MUC20: variants seen among roughly 807,000 people sequenced by gnomAD.
The protein encoded by MUC20 is mucin-20.
A neutral mutation model predicts 23.8 loss-of-function variants in MUC20; 14 were observed. The observed-to-expected ratio is 0.59, with a 90% CI of 0.39 to 0.92. The LOEUF (loss-of-function observed/expected upper bound fraction) is 0.92. MUC20 is among the 40% of genes least tolerant of loss of function. MUC20 has a pLI of 0.00. For missense variants in MUC20, 375 were observed against 668.8 expected, an observed-to-expected ratio of 0.56 and a Z score of 4.85; for synonymous variants, 166 against 279.3, an observed-to-expected ratio of 0.59 and a Z score of 4.04.
intron 2 of MUC20, 113 bp downstream of exon 2, chr3:195,726,685 C>T (rs1210492049): frequency 3.1e-6 from 4 of 1,282,162 alleles, no homozygotes; most frequent in Non-Finnish European, 4.3e-6. Flanking sequence ...TCAGAGCCTG[C>T]TCCTGATGTT....
intron 1 of MUC20, among the ~76,000 whole-genome samples, chr3:195,723,088 A>G (rs1194625775): frequency 7.3e-5 from 11 of 151,510 alleles, no homozygotes; most frequent in Admixed American, 2.0e-4. Context: ...GAGGACATGG[A>G]GGCTGGGAGG....
chr3:195,728,124 C>T (rs1357203998), intron 2 of MUC20, among the ~76,000 whole-genome samples: 1 of 152,230 alleles, frequency 6.6e-6, no homozygotes, highest in Admixed American at 6.5e-5. Flanking sequence ...CCCCTCCACA[C>T]CTGTGGGTAT....
Position 195,724,214 on chromosome 3 carries a change from A to T in MUC20, c.77-466A>T. ...CCTCAATCCACCCAGCTACCCCGAAAGGCACAATCATAGGCCTTTCTCGTC... is the reference window on the plus strand; with the variant it reads ...CCTCAATCCACCCAGCTACCCCGAATGGCACAATCATAGGCCTTTCTCGTC... On this transcript the variant is annotated intron_variant, in intron 1 of 3. Transcript: ENST00000447234. The T allele has an allele frequency of 3.4e-5, 2 of 58,688 alleles. 1 individual carries two copies. The highest frequency in any genetic ancestry group is 7.4e-5 in the Non-Finnish European group (2 of 27,064). 3.6% of individuals were successfully genotyped at this position (58,688 alleles called of 1,614,324 possible). A position where few individuals can be genotyped will look rare whatever the true frequency, so the allele number is the denominator to read the frequency against.
chr3:195,730,645 C>T (rs1024894701), intron 3 of MUC20, among the ~76,000 whole-genome samples: 9 of 152,186 alleles, frequency 5.9e-5, no homozygotes, highest in Non-Finnish European at 7.3e-5. Flanking sequence ...CCACCGCACC[C>T]GGCCCCCTCT....
At position 195,729,630 on chromosome 3, in the gene MUC20, A is replaced by C; in HGVS notation, c.1970-18A>C. On this transcript the variant is annotated intron_variant, in intron 2 of 3. Transcript: ENST00000447234. ...TGCGCCCAGCCCTGATTTTCATCTT[A>C]CTGTTCTCCATTTGCAGGTGAAAAT... The C allele has an allele frequency of 1.9e-6, 3 of 1,562,794 alleles. No homozygotes were observed. Among genetic ancestry groups the C allele is most frequent in the Non-Finnish European group, 1.7e-6 (2 of 1,152,116 alleles).
chr3:195,725,162 A>G lies in MUC20; in HGVS notation c.559A>G (p.Ile187Val), dbSNP rs745833072. 2 of 1,277,788 alleles carry G rather than the reference A, an allele frequency of 1.6e-6. 1 individual carries two copies. The highest frequency in any genetic ancestry group is 2.1e-6 in the Non-Finnish European group (2 of 949,176). The allele number at this position is 1,277,788 out of a possible 1,614,324, so 79.2% of individuals were successfully genotyped here. A position where few individuals can be genotyped will look rare whatever the true frequency, so the allele number is the denominator to read the frequency against. Residue 187 changes from isoleucine to valine, a missense_variant, in exon 2 of 4, where the codon ATC (isoleucine) becomes GTC (valine). Coordinates refer to ENST00000447234, the MANE Select transcript of MUC20 (RefSeq NM_001282506.2). ...SASSDSPHPV[I>V]TPSRASESSA... is the part of the protein sequence containing the mutation. ...CTCTTCCGACAGCCCCCATCCAGTC[A>G]TCACCCCGTCACGGGCCTCAGAGAG...
At chr3:195,722,867 G>A in intron 1 of MUC20, 1 of 983,114 alleles carries the variant, frequency 1.0e-6, no homozygotes. Context: ...GGATGAGAGT[G>A]GGTGCCCGGG....
chr3:195,726,302 G>T lies in MUC20; in HGVS notation c.1699G>T (p.Ala567Ser). The T allele has an allele frequency of 1.2e-6, 2 of 1,614,064 alleles. No individual in the cohort carries two copies. The highest frequency in any genetic ancestry group is 8.5e-7 in the Non-Finnish European group (1 of 1,179,908). Residue 567 changes from alanine (A) to serine (S), a missense_variant, in exon 2 of 4, where the codon GCT (alanine) becomes TCT (serine). Physicochemically the swap from Ala to Ser is moderately conservative, Grantham distance 99. Coordinates refer to ENST00000447234, the MANE Select transcript of MUC20 (RefSeq NM_001282506.2). Reference protein sequence around the residue: ...GSAVGKTTSFAGSSASSYSPS... With the variant: ...GSAVGKTTSFSGSSASSYSPS... ...AGCAGTGGGCAAAACAACTTCCTTT[G>T]CTGGGAGCTCTGCTTCCTCCTACAG... is the stretch of plus-strand genomic sequence containing the variant.
At chr3:195,730,894 C>A (rs1485205226) in intron 3 of MUC20, among the ~76,000 whole-genome samples, 3 of 152,202 alleles carry the variant, frequency 2.0e-5, no homozygotes, top group Non-Finnish European at 4.4e-5. Context: ...TGGTAAAGTT[C>A]CGGGGTCAGG....
At position 195,726,437 on chromosome 3, in the gene MUC20, C is replaced by T. The variant is rs762502872; in HGVS notation, c.1834C>T (p.Pro612Ser). Residue 612 changes from proline (P) to serine (S), a missense_variant, in exon 2 of 4, where the codon CCG (proline) becomes TCG (serine). This residue lies in a region of MUC20 where 343 missense variants were observed against 340.2 expected (regional missense o/e 1.01). Transcript: ENST00000447234. ...TSRDPLPSVP[P>S]TTTNSSRGTN... is the part of the protein sequence containing the mutation. ...CAGGGACCCTCTTCCTTCTGTCCCT[C>T]CGACTACAACCAACAGCAGCCGAGG... The T allele has an allele frequency of 4.3e-6, 7 of 1,614,052 alleles. No homozygotes were observed. The highest frequency in any genetic ancestry group is 4.2e-6 in the Non-Finnish European group (5 of 1,179,894).
rs1421589071 is a variant in MUC20 at position 195,733,468 on chromosome 3, C to T, written c.*250C>T. On this transcript the variant is annotated 3_prime_UTR_variant, in exon 4 of 4. Coordinates refer to ENST00000447234, the MANE Select transcript of MUC20 (RefSeq NM_001282506.2). ...AGGTGTCCTTGGACTCACCTTGGCA[C>T]ATGTTCTGTGTTTCAGTAAAGAGAG... The T allele has an allele frequency of 4.3e-6, 6 of 1,410,472 alleles. No individual in the cohort carries two copies. In the Admixed American group the frequency reaches 9.0e-5, roughly 21 times the overall value. The allele number at this position is 1,410,472 out of a possible 1,614,324, so 87.4% of individuals were successfully genotyped here.
intron 2 of MUC20, 129 bp downstream of exon 2, chr3:195,726,701 T>C (rs1577849457): frequency 8.8e-7 from 1 of 1,132,042 alleles, no homozygotes; most frequent in Non-Finnish European, 1.3e-6. Context: ...ATGTTGCCTC[T>C]TCGTGATCTT....
At chr3:195,722,935 A>G (rs1267955229) in intron 1 of MUC20, 2 of 202,354 alleles carry the variant, frequency 9.9e-6, no homozygotes, top group African/African-American at 2.5e-5. Flanking sequence ...CAGATCAACT[A>G]TGCGTGCTTT....
In MUC20 at chr3:195,729,690, C is replaced by A. The variant is rs3762739; in HGVS notation, c.2012C>A (p.Ser671Tyr). The change falls in exon 3 of 4, where the codon TCC becomes TAC. Residue 671 changes from serine to tyrosine, a missense_variant. Physicochemically the swap from Ser to Tyr is moderately radical, Grantham distance 144. Transcript: ENST00000447234. ...GFLLLRLSVASPEDLTDPRVA... is the reference protein window; with the variant it reads ...GFLLLRLSVAYPEDLTDPRVA... ...CTCCTCCTGCGGCTGAGTGTGGCTT[C>A]CCCGGAAGACCTCACTGACCCCAGA... 1 of 1,585,036 alleles carries A rather than the reference C, an allele frequency of 6.3e-7. No individual in the cohort carries two copies. The highest frequency in any genetic ancestry group is 1.1e-5 in the South Asian group (1 of 87,208).
At position 195,726,405 on chromosome 3, in the gene MUC20, C is replaced by A. The variant is rs779036709; in HGVS notation, c.1802C>A (p.Pro601His). Residue 601 changes from proline (P) to histidine (H), a missense_variant, in exon 2 of 4, where the codon CCC becomes CAC. Transcript: ENST00000447234. ...TMDIATKGPFPTSRDPLPSVP... is the reference protein window; with the variant it reads ...TMDIATKGPFHTSRDPLPSVP... Reference sequence around the variant, plus strand: ...GACATCGCAACCAAGGGGCCCTTCCCCACCAGCAGGGACCCTCTTCCTTCT... The same window carrying A: ...GACATCGCAACCAAGGGGCCCTTCCACACCAGCAGGGACCCTCTTCCTTCT... 1.2e-6 allele frequency: 2 copies of A among 1,614,092 alleles called. No homozygotes were observed. The highest frequency in any genetic ancestry group is 1.7e-6 in the Non-Finnish European group (2 of 1,179,910).
chr3:195,731,193 C>T (rs1455556108), intron 3 of MUC20, among the ~76,000 whole-genome samples: 1 of 152,204 alleles, frequency 6.6e-6, no homozygotes, highest in Non-Finnish European at 1.5e-5. Flanking sequence ...CTTGCTAATA[C>T]CTGAAGCTTG....
At chr3:195,729,921 C>G (rs1713192886) in intron 3 of MUC20, 182 bp downstream of exon 3, 1 of 638,472 alleles carries the variant, frequency 1.6e-6, no homozygotes, top group Non-Finnish European at 2.7e-6. Flanking sequence ...CCTGCCTTCT[C>G]CGAGTTCTTC....
In MUC20 at chr3:195,729,691, C is replaced by A. The variant is rs1424575559; in HGVS notation, c.2013C>A (p.Ser671=). The change falls in exon 3 of 4, where the codon TCC becomes TCA. Residue 671 remains serine (S), a synonymous_variant. Coordinates refer to ENST00000447234, the MANE Select transcript of MUC20 (RefSeq NM_001282506.2). The part of the protein sequence containing the change: ...GFLLLRLSVA[S]PEDLTDPRVA... ...TCCTCCTGCGGCTGAGTGTGGCTTC[C>A]CCGGAAGACCTCACTGACCCCAGAG... 4 of 1,596,272 alleles carry A rather than the reference C, an allele frequency of 2.5e-6. No individual in the cohort carries two copies. Among genetic ancestry groups the A allele is most frequent in the African/African-American group, 2.7e-5 (2 of 74,662 alleles).
chr3:195,730,871 A>G (rs1713320994), intron 3 of MUC20, among the ~76,000 whole-genome samples: 1 of 152,270 alleles, frequency 6.6e-6, no homozygotes, highest in Non-Finnish European at 1.5e-5. Context: ...AACCCACTGG[A>G]TAGAACTTCC....
Sources: gnomAD v4.1 joint callset for allele counts (sites outside exome capture counted in the v4.1 genomes callset) on GRCh38, gnomAD v4.1.1 for gene constraint, gnomAD v4.1.1 regional missense constraint, MANE v1.5 for transcripts, NCBI Gene and HGNC (gene_info 2026-07-23, HGNC 2026-07-21) for gene names.